MAGI2: variants seen among roughly 807,000 people sequenced by gnomAD.
MAGI2 encodes membrane-associated guanylate kinase, WW and PDZ domain-containing protein 2.
MAGI2 carries 35 observed loss-of-function variants against 133.3 expected under a neutral mutation model. The ratio of observed to expected loss-of-function variants is 0.26; its 90% confidence interval spans 0.20 to 0.35. The LOEUF is 0.35. MAGI2 is among the 10% of genes least tolerant of loss of function. MAGI2 has a pLI of 1.00. For missense variants in MAGI2, 1,636 were observed against 1,863.4 expected (o/e 0.88, Z 2.25); for synonymous variants, 729 against 710.6 (o/e 1.03, Z -0.41).
At chr7:78,438,218 TCA>T (rs1491168602) in intron 6 of MAGI2, among the ~76,000 whole-genome samples, 3 of 151,656 alleles carry the variant, frequency 2.0e-5, no homozygotes, top group East Asian at 1.9e-4. Context: ...ACTTCTCCAC[TCA>T]CAGACTTTTC....
chr7:79,049,836 C>T (rs1000926364), intron 1 of MAGI2, among the ~76,000 whole-genome samples: 11 of 149,706 alleles, frequency 7.3e-5, no homozygotes, highest in East Asian at 2.0e-4. Context: ...TTTCTAAAAT[C>T]GGCCTTGTTA....
At chr7:78,821,203 C>T (rs946254375) in intron 2 of MAGI2, among the ~76,000 whole-genome samples, 12 of 152,124 alleles carry the variant, frequency 7.9e-5, no homozygotes, top group African/African-American at 2.6e-4. Context: ...AGGGAGAGTA[C>T]TATGAGATAT....
At chr7:78,146,331 G>T (rs972294815) in intron 16 of MAGI2, among the ~76,000 whole-genome samples, 30 of 147,838 alleles carry the variant, frequency 2.0e-4, no homozygotes, top group African/African-American at 6.5e-4. Context: ...TACTACTTGG[G>T]GTCTAAGAAA....
chr7:78,766,862 ACTAACCGTC>A (rs1825078129), intron 2 of MAGI2, among the ~76,000 whole-genome samples: 1 of 152,234 alleles, frequency 6.6e-6, no homozygotes, highest in Non-Finnish European at 1.5e-5. Flanking sequence ...AGGGAAAAAA[ACTAACCGTC>A]CTACTGTTGA....
intron 16 of MAGI2, among the ~76,000 whole-genome samples, chr7:78,149,312 A>C (rs868290102): frequency 6.6e-6 from 1 of 152,166 alleles, no homozygotes; most frequent in Non-Finnish European, 1.5e-5. Context: ...TATCCGTCTT[A>C]TATCTGGAAA....
At chr7:79,065,206 C>T (rs555731427) in intron 1 of MAGI2, among the ~76,000 whole-genome samples, 10 of 152,176 alleles carry the variant, frequency 6.6e-5, no homozygotes, top group African/African-American at 2.2e-4. Context: ...GGTATCCATT[C>T]CATTATACAG....
At chr7:78,837,762 A>T (rs1293878428) in intron 2 of MAGI2, among the ~76,000 whole-genome samples, 5 of 152,130 alleles carry the variant, frequency 3.3e-5, no homozygotes, top group Admixed American at 6.6e-5. Flanking sequence ...ATGGAACTGA[A>T]TTTTATGATT....
At chr7:78,113,532 A>T (rs1819565132) in intron 20 of MAGI2, among the ~76,000 whole-genome samples, 1 of 152,180 alleles carries the variant, frequency 6.6e-6, no homozygotes, top group Admixed American at 6.5e-5. Flanking sequence ...CTATGTTTAG[A>T]TATGTTAAGA....
chr7:78,788,140 C>T (rs1442807851), intron 2 of MAGI2, among the ~76,000 whole-genome samples: 2 of 152,200 alleles, frequency 1.3e-5, no homozygotes, highest in African/African-American at 4.8e-5. Context: ...TGGACTTCTG[C>T]TTCTTGGGGT....
intron 1 of MAGI2, among the ~76,000 whole-genome samples, chr7:79,032,832 A>G (rs1810732129): frequency 7.5e-6 from 1 of 132,712 alleles, no homozygotes; most frequent in Non-Finnish European, 1.6e-5. Flanking sequence ...CAACTTTTAA[A>G]CTTTTCTAAA....
intron 21 of MAGI2, among the ~76,000 whole-genome samples, chr7:78,077,056 G>A (rs1401055588): frequency 6.6e-6 from 1 of 152,092 alleles, no homozygotes; most frequent in Non-Finnish European, 1.5e-5. Context: ...AGCAGCTGAT[G>A]TGGTGGATGC....
At chr7:78,843,907 G>C (rs1792359378) in intron 2 of MAGI2, among the ~76,000 whole-genome samples, 1 of 149,900 alleles carries the variant, frequency 6.7e-6, no homozygotes, top group Non-Finnish European at 1.5e-5. Context: ...AGATTTTGAG[G>C]CAGCTTTCCT....
intron 6 of MAGI2, among the ~76,000 whole-genome samples, chr7:78,372,200 C>T (rs956668607): frequency 5.9e-5 from 9 of 152,020 alleles, no homozygotes; most frequent in African/African-American, 1.9e-4. Context: ...ACAACTTTCA[C>T]AAGTTTTTCT....
intron 1 of MAGI2, among the ~76,000 whole-genome samples, chr7:79,015,654 G>A (rs955834032): frequency 3.9e-5 from 6 of 152,086 alleles, no homozygotes; most frequent in Non-Finnish European, 7.3e-5. Flanking sequence ...TTTCAAATGC[G>A]GAATGTGTCC....
intron 1 of MAGI2, among the ~76,000 whole-genome samples, chr7:79,449,877 C>CATATACATATATATATATAT (rs1472820472): frequency 1.5e-4 from 18 of 120,616 alleles, no homozygotes; most frequent in African/African-American, 4.8e-4. Context: ...GAGATATATA[C>CATATACATATATATATATAT]ATATATATAT....
At chr7:79,029,329 T>C (rs753389949) in intron 1 of MAGI2, among the ~76,000 whole-genome samples, 2 of 152,162 alleles carry the variant, frequency 1.3e-5, no homozygotes, top group Non-Finnish European at 2.9e-5. Flanking sequence ...TTAATAATTA[T>C]ACAAATATTT....
At chr7:79,333,949 G>C (rs1840259308) in intron 1 of MAGI2, among the ~76,000 whole-genome samples, 1 of 152,088 alleles carries the variant, frequency 6.6e-6, no homozygotes, top group African/African-American at 2.4e-5. Context: ...CTTGATGAAA[G>C]AACACTTTTA....
At chr7:78,537,240 G>T (rs746375563) in intron 3 of MAGI2, among the ~76,000 whole-genome samples, 2 of 150,780 alleles carry the variant, frequency 1.3e-5, no homozygotes, top group Non-Finnish European at 2.9e-5. Flanking sequence ...ATCAATTGAT[G>T]AACTTTTGAG....
intron 1 of MAGI2, among the ~76,000 whole-genome samples, chr7:79,048,022 G>A (rs1025120969): frequency 3.9e-5 from 6 of 152,150 alleles, no homozygotes; most frequent in African/African-American, 1.4e-4. Flanking sequence ...AAGCATGAAG[G>A]TGAAACACTG....
Sources: gnomAD v4.1 joint callset for allele counts (sites outside exome capture counted in the v4.1 genomes callset) on GRCh38, gnomAD v4.1.1 for gene constraint, MANE v1.5 for transcripts, NCBI Gene and HGNC (gene_info 2026-07-23, HGNC 2026-07-21) for gene names.